PCDH15: variants seen among roughly 807,000 people sequenced by gnomAD.
PCDH15 encodes protocadherin-15.
A neutral mutation model predicts 178.5 loss-of-function variants in PCDH15; 129 were observed. The observed-to-expected ratio is 0.72, with a 90% CI of 0.63 to 0.84. The LOEUF (loss-of-function observed/expected upper bound fraction) is 0.84. Among genes scored for constraint, PCDH15 ranks in the 40% least tolerant of loss-of-function variants. The pLI is 0.00. For synonymous variants in PCDH15, 800 were observed against 732.0 expected (o/e 1.09, Z -1.50); for missense variants, 2,230 against 2,099.9 (o/e 1.06, Z -1.21).
chr10:54,663,941 A>T (rs2094530419), intron 2 of PCDH15, among the ~76,000 whole-genome samples: 1 of 151,962 alleles, frequency 6.6e-6, no homozygotes, highest in African/African-American at 2.4e-5. Context: ...TCTTGCATTA[A>T]ATTTTGTACT....
At chr10:54,109,180 T>A (rs2094969477) in intron 15 of PCDH15, among the ~76,000 whole-genome samples, 1 of 152,144 alleles carries the variant, frequency 6.6e-6, no homozygotes, top group African/African-American at 2.4e-5. Flanking sequence ...GTATTTGAAA[T>A]TCCTCACAAA....
chr10:55,321,090 A>AGAAG (rs534402175), upstream of PCDH15, among the ~76,000 whole-genome samples: 555 of 152,102 alleles, frequency 3.6e-3, 9 homozygotes, highest in Non-Finnish European at 1.0e-3. Context: ...TTGAAAAGAA[A>AGAAG]GAAGGAAGGA....
chr10:54,685,443 C>T (rs1285006839), intron 1 of PCDH15, among the ~76,000 whole-genome samples: 1 of 152,116 alleles, frequency 6.6e-6, no homozygotes, highest in African/African-American at 2.4e-5. Context: ...ACCAGAATCA[C>T]CACAAACGTG....
At chr10:54,951,237 C>G (rs1370074878) in intron 2 of PCDH15, among the ~76,000 whole-genome samples, 2 of 151,900 alleles carry the variant, frequency 1.3e-5, no homozygotes, top group Non-Finnish European at 2.9e-5. Context: ...CTCATGCACT[C>G]TAAACCTCTA....
chr10:54,455,065 TCTC>T (rs1200884597), intron 3 of PCDH15, among the ~76,000 whole-genome samples: 2 of 152,142 alleles, frequency 1.3e-5, no homozygotes, highest in Non-Finnish European at 2.9e-5. Context: ...GCTCAGCACT[TCTC>T]CTTCCTGCTG....
At chr10:55,142,472 G>C (rs1197797574) in intron 2 of PCDH15, among the ~76,000 whole-genome samples, 1 of 151,134 alleles carries the variant, frequency 6.6e-6, no homozygotes, top group Non-Finnish European at 1.5e-5. Flanking sequence ...GGGTATATAT[G>C]CACATATAAG....
chr10:54,205,892 GT>G (rs2050745761), intron 10 of PCDH15, among the ~76,000 whole-genome samples: 1 of 151,968 alleles, frequency 6.6e-6, no homozygotes, highest in African/African-American at 2.4e-5. Flanking sequence ...ATGCTGTAAA[GT>G]TTGTTTGCAA....
intron 3 of PCDH15, among the ~76,000 whole-genome samples, chr10:54,405,571 A>T (rs73251657): frequency 0.02 from 2,971 of 152,104 alleles, 102 homozygotes; most frequent in African/African-American, 0.066. Context: ...ATCAGGAAGA[A>T]TAACTAGTAG....
At chr10:54,710,318 T>C (rs1162268365) in intron 1 of PCDH15, among the ~76,000 whole-genome samples, 1 of 152,036 alleles carries the variant, frequency 6.6e-6, no homozygotes, top group African/African-American at 2.4e-5. Context: ...AATCAATAAA[T>C]AGTGCTGGAA....
intron 2 of PCDH15, among the ~76,000 whole-genome samples, chr10:55,327,578 A>G (rs780159441): frequency 2.0e-5 from 3 of 152,094 alleles, no homozygotes; most frequent in Non-Finnish European, 4.4e-5. Flanking sequence ...TACTACATTT[A>G]AAATGTACTT....
intron 1 of PCDH15, among the ~76,000 whole-genome samples, chr10:55,260,095 T>C (rs917453883): frequency 1.3e-5 from 2 of 151,300 alleles, no homozygotes; most frequent in African/African-American, 2.4e-5. Flanking sequence ...GAGAGTTAAT[T>C]TGAGTGAAAC....
intron 3 of PCDH15, among the ~76,000 whole-genome samples, chr10:54,484,447 C>T (rs1407071454): frequency 6.6e-6 from 1 of 151,876 alleles, no homozygotes; most frequent in South Asian, 2.1e-4. Flanking sequence ...CAGCTACAAC[C>T]TCTTCAAATA....
At chr10:55,419,422 G>T (rs1023860900) in intron 2 of PCDH15, among the ~76,000 whole-genome samples, 1 of 151,768 alleles carries the variant, frequency 6.6e-6, no homozygotes, top group Non-Finnish European at 1.5e-5. Flanking sequence ...AATACTAGGT[G>T]ATGTGAACTG....
chr10:55,073,585 C>G (rs1841805643), intron 2 of PCDH15, among the ~76,000 whole-genome samples: 1 of 152,120 alleles, frequency 6.6e-6, no homozygotes, highest in South Asian at 2.1e-4. Flanking sequence ...CTATCTTCAT[C>G]AGGGACATTG....
chr10:53,803,655 A>C lies in PCDH15; in HGVS notation c.*2924T>G, dbSNP rs1840996904. Reference sequence around the variant, plus strand: ...ATGAGAAAGACAAATTGAGAGAGGGAGATTAACACCTGTGATTCGATGGTC... The same window carrying C: ...ATGAGAAAGACAAATTGAGAGAGGGCGATTAACACCTGTGATTCGATGGTC... On this transcript the variant is annotated 3_prime_UTR_variant, in exon 38 of 38. Coordinates refer to ENST00000644397, the MANE Select transcript of PCDH15 (RefSeq NM_001384140.1). The C allele has an allele frequency of 6.6e-6, 1 of 151,984 alleles. No individual in the cohort carries two copies. The highest frequency in any genetic ancestry group is 2.4e-5 in the African/African-American group (1 of 41,434). 9.4% of individuals were successfully genotyped at this position (151,984 alleles called of 1,614,324 possible).
intron 18 of PCDH15, among the ~76,000 whole-genome samples, chr10:54,048,395 CTTAGT>C (rs2093698733): frequency 6.6e-6 from 1 of 152,048 alleles, no homozygotes; most frequent in Non-Finnish European, 1.5e-5. Flanking sequence ...GCAGAAGCTC[CTTAGT>C]TTAATTACGT....
At position 54,066,777 on chromosome 10, in the gene PCDH15, C is replaced by T. The variant is rs781579614; in HGVS notation, c.2200G>A (p.Ala734Thr). 23 of 1,613,280 alleles carry T rather than the reference C, an allele frequency of 1.4e-5. No homozygotes were observed. The highest frequency in any genetic ancestry group is 1.2e-4 in the Admixed American group (7 of 59,992). Reference protein sequence around the residue: ...NLSVVEEEANAFVGQVKATDP... With the variant: ...NLSVVEEEANTFVGQVKATDP... ...CTTACTTTTACTTGACCCACAAAGG[C>T]ATTGGCTTCTTCTTCCACCACAGAT... The change falls in exon 18 of 38, where the codon GCC (alanine) becomes ACC (threonine). Residue 734 changes from alanine (A) to threonine (T), a missense_variant. By Grantham distance (58) the Ala-to-Thr change is moderately conservative (BLOSUM62 0). Coordinates refer to ENST00000644397, the MANE Select transcript of PCDH15 (RefSeq NM_001384140.1).
At chr10:55,346,002 A>G (rs1290609114) in intron 2 of PCDH15, among the ~76,000 whole-genome samples, 1 of 152,086 alleles carries the variant, frequency 6.6e-6, no homozygotes, top group Non-Finnish European at 1.5e-5. Context: ...ATAAGATGTA[A>G]GACTATTTCA....
At chr10:53,856,241 AAG>A (rs1190441968) in intron 28 of PCDH15, among the ~76,000 whole-genome samples, 1 of 151,690 alleles carries the variant, frequency 6.6e-6, no homozygotes, top group Non-Finnish European at 1.5e-5. Flanking sequence ...TAACCAAAAA[AAG>A]AAAAAAAAAT....
Sources: allele counts gnomAD v4.1 joint callset (sites outside exome capture counted in the v4.1 genomes callset), GRCh38; gene constraint gnomAD v4.1.1; transcripts MANE v1.5; gene names NCBI Gene and HGNC (gene_info 2026-07-23, HGNC 2026-07-21).